The following DMD variants were observed in gnomAD, a reference collection of about 807,000 sequenced individuals.
DMD encodes the protein mutant dystrophin.
Under a neutral mutation model 330.1 loss-of-function variants are expected in DMD, and 63 were observed. The ratio of observed to expected loss-of-function variants is 0.19; its 90% confidence interval spans 0.16 to 0.24. DMD has a LOEUF of 0.24. Among genes scored for constraint, DMD ranks in the 10% least tolerant of loss-of-function variants. The pLI, the probability that DMD is intolerant of heterozygous loss-of-function variation, is 1.00. For missense variants in DMD, 3,344 were observed against 2,684.1 expected (o/e 1.25, Z -5.43); for synonymous variants, 1,223 against 959.8 (o/e 1.27, Z -5.07).
chrX:32,045,574 T>C (rs748135303), intron 44 of DMD, among the ~76,000 whole-genome samples: 1 of 110,813 alleles, frequency 9.0e-6, no homozygotes, highest in African/African-American at 3.3e-5. Flanking sequence ...TTCATAGCAA[T>C]ACATGCTAAC....
chrX:31,586,184 G>A (rs1462921556), intron 55 of DMD, among the ~76,000 whole-genome samples: 1 of 111,827 alleles, frequency 8.9e-6, no homozygotes, highest in Non-Finnish European at 1.9e-5. Context: ...AAACAACTAT[G>A]TCGGGGGAAA....
In DMD at chrX:32,840,285, T is replaced by C. The variant is rs188061147; in HGVS notation, c.264+4498A>G. ...GGTTCTATATTTTCTGTAAGAAATGTGGCCTTCCCTGAAGAGATTCATATG... is the reference window on the plus strand; with the variant it reads ...GGTTCTATATTTTCTGTAAGAAATGCGGCCTTCCCTGAAGAGATTCATATG... On this transcript the variant is annotated intron_variant, in intron 4 of 78. Coordinates refer to ENST00000357033, the MANE Select transcript of DMD (RefSeq NM_004006.3). Among the ~76,000 whole-genome samples the C allele has an allele frequency of 2.3e-3, 254 of 112,190 alleles. 1 individual carries two copies. Among genetic ancestry groups the C allele is most frequent in the Admixed American group, 7.5e-3 (79 of 10,543 alleles).
intron 11 of DMD, among the ~76,000 whole-genome samples, chrX:32,642,796 T>C (rs982681986): frequency 2.9e-4 from 32 of 111,186 alleles, no homozygotes; most frequent in African/African-American, 9.2e-4. Flanking sequence ...AATGAGAGCA[T>C]TTAGCCTCCA....
intron 25 of DMD, among the ~76,000 whole-genome samples, chrX:32,455,718 T>C (rs1039200116): frequency 3.6e-5 from 4 of 111,404 alleles, no homozygotes; most frequent in South Asian, 7.3e-4. Flanking sequence ...GATTAAATTA[T>C]GACATATATA....
chrX:32,261,102 G>T (rs932828360), intron 43 of DMD, among the ~76,000 whole-genome samples: 4 of 111,862 alleles, frequency 3.6e-5, no homozygotes, highest in Non-Finnish European at 7.5e-5. Flanking sequence ...TCCAGTCTCT[G>T]CCCGGTTTCA....
At position 32,938,955 on chromosome X, in the gene DMD, GA is replaced by G. The variant is rs1421971548; in HGVS notation, c.93+81183del. Among the ~76,000 whole-genome samples, 8 of 109,865 alleles carry G rather than the reference GA, an allele frequency of 7.3e-5. No homozygotes were observed. In the East Asian group the frequency reaches 1.4e-3, roughly 19 times the overall value. ...ACTGACAACATTATAAACTTTAAGA[GA>G]AAAAAAATAGTTGTTGCAGAGCAAG... On this transcript the variant is annotated intron_variant, in intron 2 of 78. Transcript: ENST00000357033.
chrX:32,476,392 C>G (rs894902713), intron 21 of DMD, among the ~76,000 whole-genome samples: 2 of 111,238 alleles, frequency 1.8e-5, no homozygotes, highest in East Asian at 5.7e-4. Flanking sequence ...TGAAACTGGT[C>G]ATTTCAAAAA....
intron 34 of DMD, among the ~76,000 whole-genome samples, chrX:32,373,398 A>G (rs181457506): frequency 9.2e-6 from 1 of 108,350 alleles, no homozygotes; most frequent in Admixed American, 9.8e-5. Context: ...GAGTTTGAAT[A>G]TGTTCTGTGA....
At chrX:32,970,847 T>C (rs1182984303) in intron 2 of DMD, among the ~76,000 whole-genome samples, 2 of 90,043 alleles carry the variant, frequency 2.2e-5, no homozygotes, top group Non-Finnish European at 4.2e-5. Flanking sequence ...CTATTTGTTC[T>C]AAACAATTGC....
chrX:32,048,627 G>T (rs910157771), intron 44 of DMD, among the ~76,000 whole-genome samples: 3 of 109,167 alleles, frequency 2.7e-5, no homozygotes, highest in Non-Finnish European at 5.7e-5. Flanking sequence ...TTTTTTCATC[G>T]TACTTTTAAT....
chrX:32,257,561 C>T (rs559209393), intron 43 of DMD, among the ~76,000 whole-genome samples: 33 of 111,164 alleles, frequency 3.0e-4, no homozygotes, highest in Middle Eastern at 4.7e-3. Context: ...AAACAAGCAA[C>T]GGGGAAAGGA....
intron 27 of DMD, among the ~76,000 whole-genome samples, chrX:32,446,278 A>C (rs1292282178): frequency 9.0e-6 from 1 of 110,719 alleles, no homozygotes; most frequent in Non-Finnish European, 1.9e-5. Context: ...AATAGGGTGA[A>C]ACTGCAGAGC....
chrX:33,302,088 T>G (rs1253779436), intron 1 of DMD, among the ~76,000 whole-genome samples: 2 of 111,987 alleles, frequency 1.8e-5, no homozygotes, highest in Non-Finnish European at 3.8e-5. Flanking sequence ...TAAATATTCT[T>G]GAAAACATAA....
intron 17 of DMD, among the ~76,000 whole-genome samples, chrX:32,542,109 G>A (rs958402943): frequency 9.0e-6 from 1 of 110,745 alleles, no homozygotes; most frequent in African/African-American, 3.3e-5. Flanking sequence ...AGCCAGGCTC[G>A]AATCAATGAG....
intron 60 of DMD, among the ~76,000 whole-genome samples, chrX:31,415,865 G>A (rs977690966): frequency 9.0e-6 from 1 of 110,820 alleles, no homozygotes; most frequent in East Asian, 2.8e-4. Flanking sequence ...GGCATGAGGA[G>A]CTTTATAAGC....
rs76536849 is a variant in DMD, at chrX:32,509,189, T to TAA, written c.2293-7349_2293-7348dup. ...CCAAATAACCACATATAAAAAGTGTTAAAAAAAAAAAAAAAAAAAGGTTAA... is the reference window on the plus strand; with the variant it reads ...CCAAATAACCACATATAAAAAGTGTTAAAAAAAAAAAAAAAAAAAAAGGTTAA... On this transcript the variant is annotated intron_variant, in intron 18 of 78. Transcript: ENST00000357033. 5.3e-4 allele frequency among the ~76,000 whole-genome samples: 46 copies of TAA among 86,279 alleles called. No homozygotes were observed. The East Asian group carries it at 6.4e-3, about 12-fold the overall frequency. 74.9% of individuals were successfully genotyped at this position (86,279 alleles called of 115,157 possible). A position where few individuals can be genotyped will look rare whatever the true frequency, so the allele number is the denominator to read the frequency against.
intron 60 of DMD, among the ~76,000 whole-genome samples, chrX:31,395,330 AGTTTTCAAATTACTTC>A (rs1163730942): frequency 3.6e-5 from 4 of 112,454 alleles, no homozygotes; most frequent in Non-Finnish European, 5.6e-5. Flanking sequence ...TCTGAGACCT[AGTTTTCAAATTACTTC>A]GTTCATTTCT....
chrX:33,241,654 T>A, intron 1 of DMD, among the ~76,000 whole-genome samples: 1 of 112,528 alleles, frequency 8.9e-6, no homozygotes, highest in Non-Finnish European at 1.9e-5. Context: ...TTCCAATACA[T>A]GAACACAGAA....
intron 24 of DMD, among the ~76,000 whole-genome samples, chrX:32,463,886 G>T (rs1240899972): frequency 9.0e-6 from 1 of 111,587 alleles, no homozygotes; most frequent in Non-Finnish European, 1.9e-5. Flanking sequence ...TGAAAATGAT[G>T]GGCTTCATAC....
Sources: gnomAD v4.1 joint callset for allele counts (sites outside exome capture counted in the v4.1 genomes callset) on GRCh38, gnomAD v4.1.1 for gene constraint, MANE v1.5 for transcripts, NCBI Gene and HGNC (gene_info 2026-07-23, HGNC 2026-07-21) for gene names.